THSD4: variants seen among roughly 807,000 people sequenced by gnomAD.
The protein encoded by THSD4 is thrombospondin type-1 domain-containing protein 4.
THSD4 carries 69 observed loss-of-function variants against 119.0 expected under a neutral mutation model. The ratio of observed to expected loss-of-function variants is 0.58; its 90% confidence interval spans 0.48 to 0.71. The LOEUF (loss-of-function observed/expected upper bound fraction) is 0.71, where lower values mean the gene tolerates loss of function less well. Ranked by LOEUF, THSD4 falls within the 30% of genes least tolerant of loss-of-function variation. The probability of loss-of-function intolerance (pLI) is 0.00; values close to 1 mark genes in which losing one functional copy is unlikely to be tolerated. For synonymous variants in THSD4, 524 were observed against 540.4 expected (o/e 0.97, Z 0.42); for missense variants, 1,393 against 1,391.1 (o/e 1.00, Z -0.02).
intron 14 of THSD4, among the ~76,000 whole-genome samples, chr15:71,757,684 G>T (rs967709682): frequency 6.6e-6 from 1 of 152,110 alleles, no homozygotes; most frequent in Non-Finnish European, 1.5e-5. Flanking sequence ...TTGGATATTT[G>T]GAATTTGGAA....
chr15:71,657,203 G>A (rs1046982517), intron 7 of THSD4, among the ~76,000 whole-genome samples: 1 of 152,164 alleles, frequency 6.6e-6, no homozygotes, highest in Non-Finnish European at 1.5e-5. Flanking sequence ...CAGGACCTGT[G>A]TCTGATTCAG....
intron 6 of THSD4, among the ~76,000 whole-genome samples, chr15:71,347,169 C>T (rs534849217): frequency 2.6e-5 from 4 of 152,090 alleles, no homozygotes; most frequent in South Asian, 2.1e-4. Flanking sequence ...CCACCGTGCC[C>T]GGCTCATTCT....
In THSD4 at chr15:71,779,840, G is replaced by A. The variant is rs1178534808; in HGVS notation, c.*2466G>A. The A allele has an allele frequency of 2.4e-5, 1 of 41,660 alleles. No homozygotes were observed. The highest frequency in any genetic ancestry group is 6.3e-5 in the Non-Finnish European group (1 of 15,898). 2.6% of individuals were successfully genotyped at this position (41,660 alleles called of 1,614,324 possible). ...CTTGGGGAGAAAGTGCATAAACCAG[G>A]GGTCTCTTTTTTTTTTTCAACAAAC... On this transcript the variant is annotated 3_prime_UTR_variant, in exon 18 of 18. Transcript: ENST00000261862.
chr15:71,520,608 TA>T (rs1220029952), intron 7 of THSD4, among the ~76,000 whole-genome samples: 1 of 152,234 alleles, frequency 6.6e-6, no homozygotes, highest in African/African-American at 2.4e-5. Flanking sequence ...TTGGAGATAA[TA>T]ATAGATAACA....
intron 7 of THSD4, among the ~76,000 whole-genome samples, chr15:71,551,762 A>G (rs529268360): frequency 6.6e-6 from 1 of 152,306 alleles, no homozygotes; most frequent in East Asian, 1.9e-4. Flanking sequence ...CCTAGAGCCC[A>G]GCATCTTTAC....
intron 7 of THSD4, among the ~76,000 whole-genome samples, chr15:71,459,024 A>G (rs182275257): frequency 1.3e-5 from 2 of 152,178 alleles, no homozygotes; most frequent in African/African-American, 2.4e-5. Context: ...TATAATTAAC[A>G]CTTGGATTGA....
chr15:71,533,219 T>C (rs893481589), intron 7 of THSD4, among the ~76,000 whole-genome samples: 2 of 152,240 alleles, frequency 1.3e-5, no homozygotes, highest in African/African-American at 4.8e-5. Context: ...TACGTAAGTA[T>C]TGTGTGTTTG....
At chr15:71,633,207 G>A (rs1003687828) in intron 7 of THSD4, among the ~76,000 whole-genome samples, 26 of 151,916 alleles carry the variant, frequency 1.7e-4, no homozygotes, top group Non-Finnish European at 7.4e-5. Context: ...AGGTCTAACT[G>A]GGGGAATATA....
At chr15:71,474,092 C>T (rs1172192279) in intron 7 of THSD4, among the ~76,000 whole-genome samples, 1 of 152,200 alleles carries the variant, frequency 6.6e-6, no homozygotes, top group East Asian at 1.9e-4. Flanking sequence ...ATCCCAGTGT[C>T]CTAGTCTGCT....
intron 8 of THSD4, among the ~76,000 whole-genome samples, chr15:71,681,545 C>T (rs1056285493): frequency 2.0e-5 from 3 of 151,632 alleles, no homozygotes; most frequent in South Asian, 2.1e-4. Flanking sequence ...AGTGTGGTGG[C>T]GAGCCTATAA....
At chr15:71,479,176 C>T (rs1566999671) in intron 7 of THSD4, among the ~76,000 whole-genome samples, 3 of 93,386 alleles carry the variant, frequency 3.2e-5, no homozygotes, top group Admixed American at 1.5e-4. Flanking sequence ...TTTCTTTCTT[C>T]TGCCTTTTTT....
rs1198438702 is a variant in THSD4 at position 71,141,473 on chromosome 15, A to G, written c.-55A>G. 3.8e-5 allele frequency: 59 copies of G among 1,560,048 alleles called. No homozygotes were observed. In the East Asian group the frequency reaches 1.3e-3, roughly 35 times the overall value. On this transcript the variant is annotated 5_prime_UTR_variant, in exon 2 of 18. Coordinates refer to ENST00000261862, the MANE Select transcript of THSD4 (RefSeq NM_024817.3). ...GGACTTGAACGCAACTCCCAATTGC[A>G]GAAAATTGGCAACGTCTCTGAAGAG...
intron 6 of THSD4, among the ~76,000 whole-genome samples, chr15:71,344,100 G>A (rs1286486719): frequency 1.4e-5 from 2 of 148,002 alleles, no homozygotes; most frequent in Non-Finnish European, 3.0e-5. Context: ...GTGCAGTGGC[G>A]CGATCTCTGC....
intron 3 of THSD4, among the ~76,000 whole-genome samples, chr15:71,195,491 C>G (rs984468369): frequency 2.5e-4 from 38 of 152,216 alleles, no homozygotes; most frequent in African/African-American, 8.4e-4. Flanking sequence ...CAAGTGGACC[C>G]CTCTAGGGGG....
At chr15:71,125,414 A>AGTTCTGT (rs1397116003) in intron 1 of THSD4, among the ~76,000 whole-genome samples, 1 of 152,192 alleles carries the variant, frequency 6.6e-6, no homozygotes, top group Non-Finnish European at 1.5e-5. Flanking sequence ...CTCACTCAAA[A>AGTTCTGT]GTTCTGTATA....
At chr15:71,711,083 G>GTGTATA (rs2052503839) in intron 8 of THSD4, among the ~76,000 whole-genome samples, 4 of 128,218 alleles carry the variant, frequency 3.1e-5, no homozygotes, top group Non-Finnish European at 6.3e-5. Context: ...ATATATATAT[G>GTGTATA]TATATATATA....
chr15:71,108,378 GCTT>G (rs2040282905), intron 1 of THSD4, among the ~76,000 whole-genome samples: 1 of 152,226 alleles, frequency 6.6e-6, no homozygotes, highest in South Asian at 2.1e-4. Flanking sequence ...AACCCACAAG[GCTT>G]CTTCTTAACT....
intron 7 of THSD4, among the ~76,000 whole-genome samples, chr15:71,497,908 C>T (rs970335414): frequency 6.6e-6 from 1 of 152,198 alleles, no homozygotes; most frequent in African/African-American, 2.4e-5. Context: ...TCATTATCTT[C>T]ATATCATTTA....
intron 7 of THSD4, among the ~76,000 whole-genome samples, chr15:71,660,291 C>G (rs1012150592): frequency 1.3e-5 from 2 of 152,120 alleles, no homozygotes; most frequent in African/African-American, 4.8e-5. Context: ...TTTCTAGCAC[C>G]CTACATCTTC....
Sources: allele counts gnomAD v4.1 joint callset (sites outside exome capture counted in the v4.1 genomes callset), GRCh38; gene constraint gnomAD v4.1.1; transcripts MANE v1.5; gene names NCBI Gene and HGNC (gene_info 2026-07-23, HGNC 2026-07-21).